Variants in NMU observed in about 807,000 individuals in gnomAD.
NMU encodes neuromedin U, also known as neuromedin-U.
Under a neutral mutation model 35.4 loss-of-function variants are expected in NMU, and 29 were observed. The observed-to-expected ratio is 0.82, with a 90% CI of 0.61 to 1.12. The LOEUF (loss-of-function observed/expected upper bound fraction) is 1.12. NMU is among the 50% of genes most tolerant of loss of function. NMU has a pLI of 0.00. For missense variants in NMU, 199 were observed against 206.2 expected, an observed-to-expected ratio of 0.97 and a Z score of 0.21; for synonymous variants, 78 against 81.3, an observed-to-expected ratio of 0.96 and a Z score of 0.22.
chr4:55,597,464 G>T (rs1354912982), intron 9 of NMU, among the ~76,000 whole-genome samples: 1 of 151,958 alleles, frequency 6.6e-6, no homozygotes, highest in Non-Finnish European at 1.5e-5. Context: ...TCCCTCCTGG[G>T]TTCAGGTGAT....
At chr4:55,628,495 T>C (rs1412911990) in intron 2 of NMU, among the ~76,000 whole-genome samples, 2 of 151,692 alleles carry the variant, frequency 1.3e-5, no homozygotes, top group Non-Finnish European at 2.9e-5. Flanking sequence ...ATTATTATTA[T>C]TATTATTATT....
chr4:55,598,459 C>A (rs1423475704), intron 9 of NMU, among the ~76,000 whole-genome samples: 1 of 152,106 alleles, frequency 6.6e-6, no homozygotes, highest in Non-Finnish European at 1.5e-5. Context: ...ACTTTTATTT[C>A]TGTGGTATAA....
chr4:55,630,446 G>A lies in NMU; in HGVS notation c.127C>T (p.Pro43Ser). The A allele has an allele frequency of 1.2e-5, 20 of 1,611,846 alleles. No homozygotes were observed. Among genetic ancestry groups the A allele is most frequent in the Non-Finnish European group, 1.7e-5 (20 of 1,178,348 alleles). Residue 43 changes from proline (P) to serine (S), a missense_variant, in exon 2 of 10, where the codon CCT (proline) becomes TCT (serine). Physicochemically the swap from Pro to Ser is moderately conservative, Grantham distance 74. Coordinates refer to ENST00000264218, the MANE Select transcript of NMU (RefSeq NM_006681.4). ...TGTTGTTCAGGCTGTAATCCTTGAG[G>A]TAATATTGGAGCACCTAAAAATAAA... Reference protein sequence around the residue: ...AGACRGAPILPQGLQPEQQLQ... With the variant: ...AGACRGAPILSQGLQPEQQLQ...
At chr4:55,614,129 T>C (rs981893170) in intron 3 of NMU, among the ~76,000 whole-genome samples, 1 of 152,178 alleles carries the variant, frequency 6.6e-6, no homozygotes, top group African/African-American at 2.4e-5. Flanking sequence ...TTCTTTCCTT[T>C]GAGTTTTTTG....
chr4:55,612,063 G>C (rs1733955147), intron 3 of NMU, among the ~76,000 whole-genome samples: 1 of 152,176 alleles, frequency 6.6e-6, no homozygotes, highest in South Asian at 2.1e-4. Context: ...GCTAAGCCTG[G>C]AGTTGGGAGT....
Position 55,636,240 on chromosome 4 carries a change from C to G in NMU, c.-48G>C, listed in dbSNP as rs969755412. On this transcript the variant is annotated 5_prime_UTR_variant, in exon 1 of 10. Coordinates refer to ENST00000264218, the MANE Select transcript of NMU (RefSeq NM_006681.4). The surrounding 1 kb of genome is among the most constrained non-coding windows in gnomAD (Gnocchi z 4.0). ...GTGCTAGGGACGCTGCGCTGCGCCACGCGTAGCTGGTGCTCCACCTGGTGC... is the reference window on the plus strand; with the variant it reads ...GTGCTAGGGACGCTGCGCTGCGCCAGGCGTAGCTGGTGCTCCACCTGGTGC... 8.4e-6 allele frequency: 12 copies of G among 1,421,868 alleles called. No individual in the cohort carries two copies. The highest frequency in any genetic ancestry group is 1.1e-5 in the Non-Finnish European group (12 of 1,097,762). 88.1% of individuals were successfully genotyped at this position (1,421,868 alleles called of 1,614,324 possible).
chr4:55,628,348 G>A (rs1734616598), intron 2 of NMU, among the ~76,000 whole-genome samples: 1 of 151,344 alleles, frequency 6.6e-6, no homozygotes, highest in African/African-American at 2.4e-5. Context: ...ACCCTTTTTT[G>A]GTCTATATCT....
intron 6 of NMU, 106 bp downstream of exon 6, chr4:55,607,192 T>G: frequency 1.3e-6 from 1 of 764,940 alleles, no homozygotes; most frequent in Admixed American, 2.3e-5. Context: ...TATAAACTTT[T>G]AAAGTAAAAA....
chr4:55,635,701 T>A (rs1715874527), intron 1 of NMU, among the ~76,000 whole-genome samples: 1 of 152,194 alleles, frequency 6.6e-6, no homozygotes, highest in South Asian at 2.1e-4. Context: ...TCTCCAATAA[T>A]TGCAATCAAA....
chr4:55,607,378 T>C, intron 5 of NMU, 30 bp from the exon 6 acceptor site: 1 of 1,443,818 alleles, frequency 6.9e-7, no homozygotes, highest in Non-Finnish European at 9.7e-7. Flanking sequence ...AGTTTTACTA[T>C]AAAAATTAAT....
intron 3 of NMU, among the ~76,000 whole-genome samples, chr4:55,614,996 T>C (rs966287030): frequency 1.3e-5 from 2 of 152,158 alleles, no homozygotes; most frequent in African/African-American, 4.8e-5. Flanking sequence ...TACAACACTA[T>C]ACAAGGCTGT....
At chr4:55,597,872 T>C (rs1041306410) in intron 9 of NMU, among the ~76,000 whole-genome samples, 4 of 152,088 alleles carry the variant, frequency 2.6e-5, no homozygotes, top group South Asian at 2.1e-4. Context: ...TTAATTTCTC[T>C]TTTCATTTGT....
intron 2 of NMU, among the ~76,000 whole-genome samples, chr4:55,628,959 ATT>A (rs757548703): frequency 6.1e-4 from 93 of 152,256 alleles, no homozygotes; most frequent in Non-Finnish European, 9.1e-4. Flanking sequence ...TAGCTTATAC[ATT>A]TTGAGTTATA....
intron 2 of NMU, among the ~76,000 whole-genome samples, 172 bp from the exon 3 acceptor site, chr4:55,616,557 T>A (rs577809726): frequency 1.3e-5 from 2 of 152,280 alleles, no homozygotes; most frequent in Admixed American, 1.3e-4. Flanking sequence ...GTCTTGGAAA[T>A]GAGACTTCCC....
intron 3 of NMU, 56 bp from the exon 4 acceptor site, chr4:55,609,235 A>G: frequency 7.4e-7 from 1 of 1,346,018 alleles, no homozygotes; most frequent in Non-Finnish European, 1.1e-6. Context: ...ACATTTACAT[A>G]GAAGAGGTAA....
intron 2 of NMU, among the ~76,000 whole-genome samples, chr4:55,625,245 A>G (rs1256183141): frequency 6.6e-6 from 1 of 151,134 alleles, no homozygotes; most frequent in Non-Finnish European, 1.5e-5. Flanking sequence ...ACTTCTTTAA[A>G]TATATTTTTT....
chr4:55,601,821 T>C (rs1467061227), intron 7 of NMU, among the ~76,000 whole-genome samples: 2 of 151,600 alleles, frequency 1.3e-5, no homozygotes, highest in African/African-American at 2.4e-5. Context: ...ACCTAGTCTC[T>C]ACAAATAATA....
chr4:55,612,663 G>A (rs190948401), intron 3 of NMU, among the ~76,000 whole-genome samples: 2 of 152,264 alleles, frequency 1.3e-5, no homozygotes, highest in East Asian at 1.9e-4. Context: ...CAGTTTCTAA[G>A]CTGGATGAGC....
chr4:55,619,617 T>G (rs1734293043), intron 2 of NMU, among the ~76,000 whole-genome samples: 11 of 109,784 alleles, frequency 1.0e-4, no homozygotes, highest in African/African-American at 3.3e-4. Context: ...CAGGCTTGCT[T>G]AGGTAAACAA....
Sources: allele counts gnomAD v4.1 joint callset (sites outside exome capture counted in the v4.1 genomes callset), GRCh38; gene constraint gnomAD v4.1.1; non-coding constraint Gnocchi (gnomAD v3.1); transcripts MANE v1.5; gene names NCBI Gene and HGNC (gene_info 2026-07-23, HGNC 2026-07-21).